The following GRIK3 variants were observed in gnomAD, a reference collection of about 807,000 sequenced individuals.
The protein encoded by GRIK3 is glutamate receptor ionotropic, kainate 3.
A neutral mutation model predicts 102.5 loss-of-function variants in GRIK3; 29 were observed. The ratio of observed to expected loss-of-function variants is 0.28; its 90% CI spans 0.21 to 0.39. The LOEUF is 0.39. GRIK3 is among the 10% of genes least tolerant of loss of function. The pLI is 1.00. For missense variants in GRIK3, 908 were observed against 1,252.4 expected (o/e 0.73, Z 4.15); for synonymous variants, 511 against 504.9 (o/e 1.01, Z -0.16).
intron 10 of GRIK3, among the ~76,000 whole-genome samples, chr1:36,830,558 C>G (rs1472893587): frequency 6.6e-6 from 1 of 152,078 alleles, no homozygotes; most frequent in East Asian, 1.9e-4. Context: ...GCCTGTAATC[C>G]TAGCACTTTG....
intron 1 of GRIK3, among the ~76,000 whole-genome samples, chr1:37,003,141 T>C (rs971962819): frequency 1.8e-4 from 27 of 151,634 alleles, no homozygotes; most frequent in Admixed American, 2.6e-4. Flanking sequence ...GGCCCGATTA[T>C]AGCAACTATT....
chr1:36,804,772 G>A (rs1642479075), intron 15 of GRIK3: 1 of 602,932 alleles, frequency 1.7e-6, no homozygotes. Flanking sequence ...CAGGCAGGAG[G>A]TGATGGGGCT....
At chr1:37,006,417 G>A (rs1357726774) in intron 1 of GRIK3, among the ~76,000 whole-genome samples, 1 of 152,254 alleles carries the variant, frequency 6.6e-6, no homozygotes, top group African/African-American at 2.4e-5. Context: ...AACAGAGGTT[G>A]CCACGTTCCA....
intron 1 of GRIK3, among the ~76,000 whole-genome samples, chr1:37,014,770 T>G (rs1642635189): frequency 6.6e-6 from 1 of 152,224 alleles, no homozygotes; most frequent in Non-Finnish European, 1.5e-5. Flanking sequence ...TGAGGATGCT[T>G]TGACTCCACT....
intron 1 of GRIK3, among the ~76,000 whole-genome samples, chr1:36,995,231 AATC>A (rs1158841188): frequency 2.6e-5 from 4 of 152,178 alleles, no homozygotes; most frequent in Admixed American, 6.5e-5. Flanking sequence ...CATCAATAAT[AATC>A]ATCATCATTA....
At chr1:36,822,342 A>C (rs1332021309) in intron 11 of GRIK3, among the ~76,000 whole-genome samples, 2 of 152,202 alleles carry the variant, frequency 1.3e-5, no homozygotes, top group Non-Finnish European at 2.9e-5. Flanking sequence ...ATGCCGTTAC[A>C]GGTTGGGGTC....
intron 15 of GRIK3, among the ~76,000 whole-genome samples, chr1:36,803,857 TC>T (rs759039112): frequency 6.6e-6 from 1 of 152,226 alleles, no homozygotes; most frequent in South Asian, 2.1e-4. Context: ...TACCCCTCCC[TC>T]CCATCTCTTC....
At chr1:36,876,609 T>C (rs1012350093) in intron 3 of GRIK3, among the ~76,000 whole-genome samples, 1 of 152,220 alleles carries the variant, frequency 6.6e-6, no homozygotes, top group African/African-American at 2.4e-5. Context: ...TGTCTGTTAC[T>C]TGCAGCCAAA....
chr1:36,827,795 C>T (rs537437564), intron 10 of GRIK3, among the ~76,000 whole-genome samples: 3 of 152,212 alleles, frequency 2.0e-5, no homozygotes, highest in South Asian at 4.2e-4. Flanking sequence ...CTGGGAGCAG[C>T]TGGGAAATAC....
In GRIK3 at chr1:36,935,181, C is replaced by T. The variant is rs570471457; in HGVS notation, c.116-44085G>A. Among the ~76,000 whole-genome samples, 3 of 152,284 alleles carry T rather than the reference C, an allele frequency of 2.0e-5. No individual in the cohort carries two copies. In the East Asian group the frequency reaches 5.8e-4, roughly 29 times the overall value. Reference sequence around the variant, plus strand: ...ATGACCTCATGAATGTTTTATTCACCACTGTACACCCAGCACCCAGCACGG... The same window carrying T: ...ATGACCTCATGAATGTTTTATTCACTACTGTACACCCAGCACCCAGCACGG... On this transcript the variant is annotated intron_variant, in intron 1 of 15. Coordinates refer to ENST00000373091, the MANE Select transcript of GRIK3 (RefSeq NM_000831.4).
At chr1:36,925,099 A>C (rs530982978) in intron 1 of GRIK3, among the ~76,000 whole-genome samples, 1 of 152,352 alleles carries the variant, frequency 6.6e-6, no homozygotes, top group African/African-American at 2.4e-5. Flanking sequence ...TCCAGCAGGA[A>C]GATTCCACAG....
intron 1 of GRIK3, among the ~76,000 whole-genome samples, chr1:37,017,648 C>T (rs1462539919): frequency 6.6e-6 from 1 of 152,094 alleles, no homozygotes; most frequent in Non-Finnish European, 1.5e-5. Context: ...ATACCCCTGG[C>T]CAATCTGTGC....
intron 13 of GRIK3, among the ~76,000 whole-genome samples, chr1:36,815,127 G>A (rs1642611772): frequency 6.6e-6 from 1 of 152,230 alleles, no homozygotes; most frequent in Admixed American, 6.5e-5. Flanking sequence ...GAGTCCCATA[G>A]TGTTCCCAAC....
At chr1:36,981,117 G>A (rs1034885976) in intron 1 of GRIK3, among the ~76,000 whole-genome samples, 6 of 152,220 alleles carry the variant, frequency 3.9e-5, no homozygotes, top group Non-Finnish European at 8.8e-5. Context: ...GAAGTATTAA[G>A]TGTCTCACAC....
intron 1 of GRIK3, among the ~76,000 whole-genome samples, chr1:36,908,625 T>A (rs1266525477): frequency 2.0e-5 from 3 of 152,226 alleles, no homozygotes; most frequent in Non-Finnish European, 4.4e-5. Context: ...AATAAGTAGG[T>A]TGGCACCATT....
intron 1 of GRIK3, among the ~76,000 whole-genome samples, chr1:36,918,609 G>A (rs999522314): frequency 6.6e-5 from 10 of 152,138 alleles, no homozygotes; most frequent in East Asian, 1.9e-4. Flanking sequence ...AGACAGAGTC[G>A]TAACCTCCCT....
chr1:36,829,469 T>C (rs1207560457), intron 10 of GRIK3, among the ~76,000 whole-genome samples: 1 of 152,080 alleles, frequency 6.6e-6, no homozygotes, highest in East Asian at 1.9e-4. Flanking sequence ...GTCTTTGCTA[T>C]AATATTTATA....
intron 8 of GRIK3, among the ~76,000 whole-genome samples, chr1:36,853,013 C>T (rs146440302): frequency 4.9e-4 from 74 of 152,328 alleles, no homozygotes; most frequent in African/African-American, 1.6e-3. Context: ...CAGGCAGGCC[C>T]GCTTTCCTGG....
intron 1 of GRIK3, among the ~76,000 whole-genome samples, chr1:36,930,312 T>G (rs539761413): frequency 1.6e-4 from 24 of 152,310 alleles, no homozygotes; most frequent in African/African-American, 5.8e-4. Context: ...GCACACAAAC[T>G]TCATGTTGAA....
Sources: allele counts gnomAD v4.1 joint callset (sites outside exome capture counted in the v4.1 genomes callset), GRCh38; gene constraint gnomAD v4.1.1; transcripts MANE v1.5; gene names NCBI Gene and HGNC (gene_info 2026-07-23, HGNC 2026-07-21).